NTF3: variants seen among roughly 807,000 people sequenced by gnomAD.
NTF3 encodes neurotrophin-3.
NTF3 carries 8 observed loss-of-function variants against 26.3 expected under a neutral mutation model. The ratio of observed to expected loss-of-function variants is 0.30; its 90% CI spans 0.18 to 0.55. The LOEUF (loss-of-function observed/expected upper bound fraction) is 0.55, where lower values mean the gene tolerates loss of function less well. NTF3 is among the 20% of genes least tolerant of loss of function. The pLI is 0.93. For missense variants in NTF3, 276 were observed against 352.9 expected (o/e 0.78, Z 1.75); for synonymous variants, 154 against 145.5 (o/e 1.06, Z -0.42).
chr12:5,459,769 A>G (rs187610346), intron 1 of NTF3, among the ~76,000 whole-genome samples: 69 of 152,126 alleles, frequency 4.5e-4, no homozygotes, highest in African/African-American at 1.2e-3. Flanking sequence ...CGTTCCTTCA[A>G]TTGTTTTCTC....
At chr12:5,493,148 C>T (rs1940959438) in intron 1 of NTF3, among the ~76,000 whole-genome samples, 1 of 152,170 alleles carries the variant, frequency 6.6e-6, no homozygotes, top group South Asian at 2.1e-4. Flanking sequence ...CTCAGAACAT[C>T]TGGGCTTTGC....
At chr12:5,467,980 T>C (rs928053413) in intron 1 of NTF3, among the ~76,000 whole-genome samples, 2 of 151,900 alleles carry the variant, frequency 1.3e-5, no homozygotes, top group African/African-American at 4.8e-5. Flanking sequence ...CTCCCTACCA[T>C]GCCTGCCCCT....
At chr12:5,470,749 G>A (rs1940654735) in intron 1 of NTF3, among the ~76,000 whole-genome samples, 1 of 152,216 alleles carries the variant, frequency 6.6e-6, no homozygotes, top group Non-Finnish European at 1.5e-5. Flanking sequence ...GTCCAGCAGA[G>A]CTGTAAGACC....
chr12:5,466,936 A>G (rs956719903), intron 1 of NTF3, among the ~76,000 whole-genome samples: 1 of 152,106 alleles, frequency 6.6e-6, no homozygotes, highest in Non-Finnish European at 1.5e-5. Flanking sequence ...CATACCCTTA[A>G]AAAGTCGGGT....
chr12:5,432,038 G>T (rs1940097174), upstream of NTF3: 2 of 282,248 alleles, frequency 7.1e-6, no homozygotes, highest in Non-Finnish European at 1.4e-5. Context: ...CGCGGAAGGG[G>T]TTAAGGCGCT....
At chr12:5,442,638 G>T (rs1940253370) in intron 1 of NTF3, among the ~76,000 whole-genome samples, 2 of 152,172 alleles carry the variant, frequency 1.3e-5, no homozygotes, top group South Asian at 2.1e-4. Flanking sequence ...GCTCAAGGAG[G>T]CATTTATTTT....
intron 1 of NTF3, among the ~76,000 whole-genome samples, chr12:5,432,964 G>T (rs906772326): frequency 2.6e-5 from 4 of 152,188 alleles, no homozygotes; most frequent in Admixed American, 1.3e-4. Context: ...TCTGGCCCGG[G>T]CGTGGGCTGG....
chr12:5,494,958 T>C lies in NTF3; in HGVS notation c.783T>C (p.Cys261=), dbSNP rs771189125. The C allele has an allele frequency of 6.2e-7, 1 of 1,614,114 alleles. No homozygotes were observed. Among genetic ancestry groups the C allele is most frequent in the Admixed American group, 1.7e-5 (1 of 60,006 alleles). Residue 261 remains cysteine (C), a synonymous_variant, in exon 2 of 2, where the codon TGT becomes TGC. Coordinates refer to ENST00000423158, the MANE Select transcript of NTF3 (RefSeq NM_001102654.2). The surrounding 1 kb of genome is among the most constrained non-coding windows in gnomAD (Gnocchi z 8.3). ...TACGGATAGACACGTCCTGTGTGTGTGCCTTGTCGAGAAAAATCGGAAGAA... is the reference window on the plus strand; with the variant it reads ...TACGGATAGACACGTCCTGTGTGTGCGCCTTGTCGAGAAAAATCGGAAGAA... ...RWIRIDTSCV[C]ALSRKIGRT
intron 1 of NTF3, among the ~76,000 whole-genome samples, chr12:5,481,987 G>A (rs931628768): frequency 1.3e-5 from 2 of 150,826 alleles, no homozygotes; most frequent in South Asian, 2.1e-4. Flanking sequence ...AGACACACTC[G>A]CAGGCATACA....
At chr12:5,488,329 C>T (rs1940893552) in intron 1 of NTF3, among the ~76,000 whole-genome samples, 1 of 152,224 alleles carries the variant, frequency 6.6e-6, no homozygotes, top group Admixed American at 6.5e-5. Context: ...CTGGTGTCTG[C>T]AGCACCTTCC....
chr12:5,434,709 G>T (rs1289238716), intron 1 of NTF3, among the ~76,000 whole-genome samples: 1 of 152,096 alleles, frequency 6.6e-6, no homozygotes, highest in Non-Finnish European at 1.5e-5. Context: ...AAGACAGATG[G>T]CTTGTGCATG....
In NTF3 at chr12:5,442,329, C is replaced by CT. The variant is rs147394899; in HGVS notation, c.18+9988dup. Among the ~76,000 whole-genome samples the CT allele has an allele frequency of 5.3e-5, 8 of 152,260 alleles. No individual in the cohort carries two copies. The East Asian group carries it at 1.5e-3, about 29-fold the overall frequency. ...TTTTCTTGTCCCTGAATTCCCAGGG[C>CT]TAGGGTGATGGATGCTCAGAGACCA... On this transcript the variant is annotated intron_variant, in intron 1 of 1. Transcript: ENST00000423158.
chr12:5,451,660 A>T (rs1480100159), intron 1 of NTF3, among the ~76,000 whole-genome samples: 1 of 152,140 alleles, frequency 6.6e-6, no homozygotes, highest in African/African-American at 2.4e-5. Context: ...CTGTGTCTGT[A>T]TATGTGTATT....
intron 1 of NTF3, among the ~76,000 whole-genome samples, chr12:5,452,285 G>A (rs533534690): frequency 2.6e-5 from 4 of 151,756 alleles, no homozygotes; most frequent in Non-Finnish European, 4.4e-5. Flanking sequence ...TAGTAGAGAC[G>A]GGGTTTCACC....
intron 1 of NTF3, among the ~76,000 whole-genome samples, chr12:5,486,037 G>A (rs561605600): frequency 3.8e-3 from 573 of 152,250 alleles, no homozygotes; most frequent in Non-Finnish European, 5.8e-3. Context: ...AGACCAGACC[G>A]CCAATCAATA....
upstream of NTF3, among the ~76,000 whole-genome samples, chr12:5,430,618 C>T (rs1406303783): frequency 2.0e-5 from 3 of 151,886 alleles, no homozygotes; most frequent in African/African-American, 7.3e-5. Context: ...ATCCAACCCC[C>T]CAGCTACTCT....
chr12:5,482,467 T>C (rs1177195748), intron 1 of NTF3, among the ~76,000 whole-genome samples: 1 of 152,128 alleles, frequency 6.6e-6, no homozygotes, highest in Non-Finnish European at 1.5e-5. Context: ...TAGAAAGAAA[T>C]GTAGGTTAGT....
intron 1 of NTF3, among the ~76,000 whole-genome samples, chr12:5,486,971 G>C (rs184557695): frequency 6.6e-6 from 1 of 152,212 alleles, no homozygotes; most frequent in Non-Finnish European, 1.5e-5. Flanking sequence ...GTGGATGAGT[G>C]TGAGTTACCA....
chr12:5,457,081 C>T (rs576874785), intron 1 of NTF3, among the ~76,000 whole-genome samples: 33 of 152,262 alleles, frequency 2.2e-4, no homozygotes, highest in African/African-American at 6.7e-4. Flanking sequence ...CAGGATAAAA[C>T]GAGAACAGAG....
Sources: allele counts gnomAD v4.1 joint callset (sites outside exome capture counted in the v4.1 genomes callset), GRCh38; gene constraint gnomAD v4.1.1; non-coding constraint Gnocchi (gnomAD v3.1); transcripts MANE v1.5; gene names NCBI Gene and HGNC (gene_info 2026-07-23, HGNC 2026-07-21).